The following CHST15 variants were observed in gnomAD, a reference collection of about 807,000 sequenced individuals.
The protein encoded by CHST15 is carbohydrate sulfotransferase 15.
Under a neutral mutation model 53.6 loss-of-function variants are expected in CHST15, and 30 were observed. The ratio of observed to expected loss-of-function variants is 0.56; its 90% CI spans 0.42 to 0.76. The LOEUF (loss-of-function observed/expected upper bound fraction) is 0.76, where lower values mean the gene tolerates loss of function less well. CHST15 is among the 30% of genes least tolerant of loss of function. The pLI, the probability that CHST15 is intolerant of heterozygous loss-of-function variation, is 0.00. For missense variants in CHST15, 627 were observed against 740.5 expected, an observed-to-expected ratio of 0.85 and a Z score of 1.78; for synonymous variants, 296 against 289.8, an observed-to-expected ratio of 1.02 and a Z score of -0.22.
chr10:124,052,711 A>G (rs576387591), intron 1 of CHST15, among the ~76,000 whole-genome samples: 40 of 152,314 alleles, frequency 2.6e-4, no homozygotes, highest in Non-Finnish European at 4.3e-4. Flanking sequence ...GTAAGCATTC[A>G]GTGAACTCAT....
chr10:124,059,593 T>A (rs1392729312), intron 1 of CHST15, among the ~76,000 whole-genome samples: 1 of 152,136 alleles, frequency 6.6e-6, no homozygotes, highest in African/African-American at 2.4e-5. Flanking sequence ...GGCCCAGATG[T>A]CCTTCAGGAC....
At chr10:124,043,636 G>T (rs1296272332) in intron 3 of CHST15, among the ~76,000 whole-genome samples, 2 of 152,236 alleles carry the variant, frequency 1.3e-5, no homozygotes, top group African/African-American at 4.8e-5. Context: ...TTACAGAGAG[G>T]AAACAGTGAT....
chr10:124,090,528 C>T (rs1430820139), intron 1 of CHST15, among the ~76,000 whole-genome samples: 2 of 152,354 alleles, frequency 1.3e-5, no homozygotes, highest in Non-Finnish European at 2.9e-5. Context: ...TTTCTCAAGA[C>T]GCCAAATAAG....
intron 6 of CHST15, among the ~76,000 whole-genome samples, chr10:124,014,306 A>C (rs1325466845): frequency 6.6e-6 from 1 of 152,244 alleles, no homozygotes; most frequent in East Asian, 1.9e-4. Flanking sequence ...AGTGCTAATA[A>C]TAAGACAATG....
intron 5 of CHST15, among the ~76,000 whole-genome samples, chr10:124,037,864 C>T (rs987706998): frequency 2.0e-5 from 3 of 152,178 alleles, no homozygotes; most frequent in African/African-American, 7.2e-5. Flanking sequence ...AGGAGTTAAA[C>T]CACGTGGAGA....
At chr10:124,062,134 A>G (rs1162879973) in intron 1 of CHST15, among the ~76,000 whole-genome samples, 1 of 152,038 alleles carries the variant, frequency 6.6e-6, no homozygotes, top group East Asian at 1.9e-4. Context: ...CAAGCAGACC[A>G]CAGAATTCCC....
chr10:124,089,917 G>A (rs1355371877), intron 1 of CHST15, among the ~76,000 whole-genome samples: 1 of 152,204 alleles, frequency 6.6e-6, no homozygotes, highest in African/African-American at 2.4e-5. Flanking sequence ...TATATGAAAA[G>A]GTTCATGCAG....
intron 6 of CHST15, among the ~76,000 whole-genome samples, chr10:124,016,512 T>A (rs1369663183): frequency 6.6e-6 from 1 of 152,150 alleles, no homozygotes; most frequent in Non-Finnish European, 1.5e-5. Context: ...CAGAGGCACC[T>A]GCTAAGCTAC....
At chr10:124,049,531 C>T (rs1948119977) in intron 1 of CHST15, among the ~76,000 whole-genome samples, 1 of 152,180 alleles carries the variant, frequency 6.6e-6, no homozygotes, top group Non-Finnish European at 1.5e-5. Flanking sequence ...ATGATTTAAC[C>T]AATCAGGCCT....
chr10:124,039,957 A>G (rs1292656551), intron 4 of CHST15, among the ~76,000 whole-genome samples: 2 of 152,056 alleles, frequency 1.3e-5, no homozygotes, highest in East Asian at 1.9e-4. Flanking sequence ...GCAGGCCCCT[A>G]TCATTTCTGT....
intron 5 of CHST15, among the ~76,000 whole-genome samples, chr10:124,038,300 T>A (rs1218638122): frequency 6.6e-6 from 1 of 152,030 alleles, no homozygotes; most frequent in East Asian, 1.9e-4. Context: ...GAGATGGGGT[T>A]TCACCATGTT....
intron 5 of CHST15, among the ~76,000 whole-genome samples, chr10:124,028,345 G>A (rs188198231): frequency 6.6e-6 from 1 of 152,328 alleles, no homozygotes; most frequent in Non-Finnish European, 1.5e-5. Context: ...CATCGGCCTG[G>A]CCTCTATGTG....
At chr10:124,020,069 C>T (rs566860119) in intron 6 of CHST15, 57 of 985,838 alleles carry the variant, frequency 5.8e-5, no homozygotes, top group South Asian at 1.9e-4. Context: ...CTTCTCTCCC[C>T]GCCAGCTGCA....
intron 6 of CHST15, chr10:124,021,047 G>T: frequency 6.9e-7 from 1 of 1,439,600 alleles, no homozygotes. Flanking sequence ...CAGGTGACCA[G>T]CAGGGAGGAA....
At chr10:124,018,599 C>T (rs1000113684) in intron 6 of CHST15, among the ~76,000 whole-genome samples, 6 of 152,322 alleles carry the variant, frequency 3.9e-5, no homozygotes, top group Admixed American at 3.3e-4. Flanking sequence ...TTATGGCCAG[C>T]TTCAGAGGAG....
intron 1 of CHST15, among the ~76,000 whole-genome samples, chr10:124,066,400 C>T (rs1163966517): frequency 6.6e-6 from 1 of 151,968 alleles, no homozygotes; most frequent in African/African-American, 2.4e-5. Flanking sequence ...TCTGTCACTG[C>T]TTCTGCATCT....
In CHST15 at chr10:124,045,128, A is replaced by AAAC. The variant is rs1448134981; in HGVS notation, c.547-210_547-209insGTT. Among the ~76,000 whole-genome samples, 254 of 144,856 alleles carry AAAC rather than the reference A, an allele frequency of 1.8e-3. 4 individuals are homozygous for AAAC. Among genetic ancestry groups the AAAC allele is most frequent in the South Asian group, 0.012 (54 of 4,660 alleles). On this transcript the variant is annotated intron_variant, in intron 2 of 7. Coordinates refer to ENST00000435907, the MANE Select transcript of CHST15 (RefSeq NM_001270764.2). The stretch of plus-strand genomic sequence containing the variant: ...GCCGCCCCACAAAAAAAAAAAAAAA[A>AAAC]AAAAAAAAAAAAAAAACTTGGAGAG...
intron 1 of CHST15, among the ~76,000 whole-genome samples, chr10:124,061,066 G>A (rs1056282681): frequency 2.0e-5 from 3 of 152,138 alleles, no homozygotes; most frequent in African/African-American, 7.2e-5. Flanking sequence ...CTCTGGGTGG[G>A]GTGACGTGGC....
In CHST15 at chr10:124,036,664, A is replaced by G. The variant is rs4077295; in HGVS notation, c.1190+1851T>C. On this transcript the variant is annotated intron_variant, in intron 5 of 7. Coordinates refer to ENST00000435907, the MANE Select transcript of CHST15 (RefSeq NM_001270764.2). This position sits in a 1 kb window ranked among gnomAD's most constrained non-coding sequence, Gnocchi z 5.1. The stretch of plus-strand genomic sequence containing the variant: ...AGACTGTCCTGTCACACCCATGTGC[A>G]CACACACACACACACACACTTATTT... Among the ~76,000 whole-genome samples the G allele has an allele frequency of 0.011, 1,426 of 132,032 alleles. 25 individuals are homozygous for G. Among genetic ancestry groups the G allele is most frequent in the Admixed American group, 0.049 (643 of 13,230 alleles). 86.6% of individuals were successfully genotyped at this position (132,032 alleles called of 152,430 possible).
Sources: gnomAD v4.1 joint callset for allele counts (sites outside exome capture counted in the v4.1 genomes callset) on GRCh38, gnomAD v4.1.1 for gene constraint, Gnocchi (gnomAD v3.1) non-coding constraint, MANE v1.5 for transcripts, NCBI Gene and HGNC (gene_info 2026-07-23, HGNC 2026-07-21) for gene names.